HERC1: variants seen among roughly 807,000 people sequenced by gnomAD.
HERC1 encodes the protein probable E3 ubiquitin-protein ligase HERC1.
In HERC1, 160 loss-of-function variants were observed where a neutral mutation model predicts 554.3. That is an observed-to-expected ratio of 0.29 (90% confidence interval 0.25 to 0.33). The LOEUF (loss-of-function observed/expected upper bound fraction) is 0.33. Ranked by LOEUF, HERC1 falls within the 10% of genes least tolerant of loss-of-function variation. The pLI is 1.00. For synonymous variants in HERC1, 2,175 were observed against 2,131.7 expected (o/e 1.02, Z -0.56); for missense variants, 4,919 against 5,918.5 (o/e 0.83, Z 5.54).
rs569686472 is a variant in HERC1, at chr15:63,727,166, C to T, written c.3346+481G>A. Among the ~76,000 whole-genome samples, 33 of 152,244 alleles carry T rather than the reference C, an allele frequency of 2.2e-4. No homozygotes were observed. The highest frequency in any genetic ancestry group is 6.8e-3 in the Middle Eastern group (2 of 294). ...TGGTGCATGCCTGTAATCCCAGCTA[C>T]TCAGGAGGTTGAGCCAGGAGAATCA... On this transcript the variant is annotated intron_variant, in intron 17 of 77. Transcript: ENST00000443617. The surrounding 1 kb of genome is among the most constrained non-coding windows in gnomAD (Gnocchi z 4.3).
intron 17 of HERC1, among the ~76,000 whole-genome samples, chr15:63,725,774 CATT>C (rs1187620026): frequency 6.6e-6 from 1 of 152,132 alleles, no homozygotes; most frequent in East Asian, 1.9e-4. Flanking sequence ...CATATGACAA[CATT>C]ATTCCAATCA....
intron 1 of HERC1, among the ~76,000 whole-genome samples, chr15:63,809,323 A>T (rs1303163543): frequency 6.6e-6 from 1 of 152,206 alleles, no homozygotes; most frequent in Non-Finnish European, 1.5e-5. Flanking sequence ...ATTATGTGTT[A>T]ATTTTAATAA....
At chr15:63,681,714 G>T (rs2071490133) in intron 34 of HERC1, among the ~76,000 whole-genome samples, 2 of 152,188 alleles carry the variant, frequency 1.3e-5, no homozygotes, top group Non-Finnish European at 2.9e-5. Context: ...GTACATGTCA[G>T]GTTGAAGGTG....
At chr15:63,822,479 G>A (rs967917061) in intron 1 of HERC1, among the ~76,000 whole-genome samples, 5 of 151,912 alleles carry the variant, frequency 3.3e-5, no homozygotes, top group African/African-American at 9.7e-5. Flanking sequence ...CCAGCAACTC[G>A]GGAGGCTGAG....
chr15:63,610,124 C>T (rs2067523175), intron 77 of HERC1, among the ~76,000 whole-genome samples: 1 of 150,640 alleles, frequency 6.6e-6, no homozygotes, highest in African/African-American at 2.4e-5. Flanking sequence ...ATTTTTAAAA[C>T]GTTTGCTTAA....
chr15:63,699,526 C>G (rs6494428), intron 25 of HERC1, among the ~76,000 whole-genome samples: 123,824 of 152,206 alleles, frequency 0.81, 52,248 homozygotes, highest in Non-Finnish European at 0.88. Context: ...ACACAAAAAG[C>G]AGACACAAAC....
chr15:63,745,883 G>C (rs995154848), intron 12 of HERC1, among the ~76,000 whole-genome samples: 4 of 152,058 alleles, frequency 2.6e-5, no homozygotes, highest in Admixed American at 6.6e-5. Context: ...GTAATATCTT[G>C]TCTTTCATTC....
chr15:63,783,068 A>T (rs956173424), intron 1 of HERC1, among the ~76,000 whole-genome samples: 1 of 152,222 alleles, frequency 6.6e-6, no homozygotes, highest in Non-Finnish European at 1.5e-5. Context: ...ATATTACTGA[A>T]ATGACAACAA....
At chr15:63,670,996 G>A (rs926615023) in intron 39 of HERC1, among the ~76,000 whole-genome samples, 1 of 152,050 alleles carries the variant, frequency 6.6e-6, no homozygotes, top group Non-Finnish European at 1.5e-5. Flanking sequence ...GAGGTTGGGA[G>A]TTCGAGACCA....
chr15:63,646,080 C>T (rs967789603), intron 55 of HERC1, among the ~76,000 whole-genome samples: 1 of 152,198 alleles, frequency 6.6e-6, no homozygotes, highest in African/African-American at 2.4e-5. Context: ...ATAGCAAACA[C>T]TAATGAGAAT....
At chr15:63,621,933 G>A (rs1467072118) in intron 74 of HERC1, among the ~76,000 whole-genome samples, 2 of 151,850 alleles carry the variant, frequency 1.3e-5, no homozygotes, top group South Asian at 2.1e-4. Flanking sequence ...CCATGGGTTC[G>A]AACTTCCTCC....
intron 12 of HERC1, among the ~76,000 whole-genome samples, chr15:63,741,865 C>T (rs1407005668): frequency 2.0e-5 from 3 of 152,196 alleles, no homozygotes; most frequent in Non-Finnish European, 2.9e-5. Context: ...GACACAGCCA[C>T]TCTATTTTTA....
intron 27 of HERC1, 53 bp downstream of exon 27, chr15:63,696,071 T>C: frequency 7.7e-7 from 1 of 1,302,624 alleles, no homozygotes. Flanking sequence ...ATTATTAAAG[T>C]GGCTTTGTAA....
chr15:63,644,678 G>C (rs2069240808), intron 57 of HERC1, among the ~76,000 whole-genome samples: 1 of 152,114 alleles, frequency 6.6e-6, no homozygotes, highest in Non-Finnish European at 1.5e-5. Flanking sequence ...TCTTTGGATG[G>C]ATGTGCTCCC....
At chr15:63,751,116 T>A (rs2075228030) in intron 8 of HERC1, among the ~76,000 whole-genome samples, 1 of 152,324 alleles carries the variant, frequency 6.6e-6, no homozygotes, top group South Asian at 2.1e-4. Context: ...AAATCACTCA[T>A]GAGGTATCAT....
intron 22 of HERC1, among the ~76,000 whole-genome samples, chr15:63,714,090 A>G (rs1253158643): frequency 6.6e-6 from 1 of 152,134 alleles, no homozygotes; most frequent in East Asian, 1.9e-4. Flanking sequence ...AAGGCCCTTC[A>G]GCTGATTTTG....
intron 54 of HERC1, among the ~76,000 whole-genome samples, chr15:63,648,650 A>C (rs1312421626): frequency 1.8e-5 from 2 of 113,460 alleles, no homozygotes; most frequent in African/African-American, 5.7e-5. Flanking sequence ...CTGTTCTCAC[A>C]ATCTATATTT....
At chr15:63,823,233 G>A (rs1324217169) in intron 1 of HERC1, among the ~76,000 whole-genome samples, 2 of 152,028 alleles carry the variant, frequency 1.3e-5, no homozygotes, top group Non-Finnish European at 2.9e-5. Context: ...TAGCTCCCAC[G>A]TATAAGTGAG....
chr15:63,796,848 T>C (rs548881375), intron 1 of HERC1, among the ~76,000 whole-genome samples: 2 of 152,356 alleles, frequency 1.3e-5, no homozygotes, highest in East Asian at 1.9e-4. Context: ...GGTTTTATCA[T>C]GCAGATGAGG....
Sources: allele counts gnomAD v4.1 joint callset (sites outside exome capture counted in the v4.1 genomes callset), GRCh38; gene constraint gnomAD v4.1.1; non-coding constraint Gnocchi (gnomAD v3.1); transcripts MANE v1.5; gene names NCBI Gene and HGNC (gene_info 2026-07-23, HGNC 2026-07-21).